SLC25A48: variants seen among roughly 807,000 people sequenced by gnomAD.
SLC25A48 encodes CTC-321K16.1.
Under a neutral mutation model 32.2 loss-of-function variants are expected in SLC25A48, and 29 were observed. The observed-to-expected ratio is 0.90, with a 90% CI of 0.67 to 1.23. The LOEUF is 1.23. Ranked by LOEUF, SLC25A48 falls within the 50% of genes most tolerant of loss-of-function variation. The pLI is 0.00. For synonymous variants in SLC25A48, 164 were observed against 172.3 expected (o/e 0.95, Z 0.38); for missense variants, 399 against 422.7 (o/e 0.94, Z 0.49).
chr5:135,623,882 C>G (rs988161605), intron 1 of SLC25A48, among the ~76,000 whole-genome samples: 1 of 152,184 alleles, frequency 6.6e-6, no homozygotes, highest in Admixed American at 6.5e-5. Flanking sequence ...ATTACTGCTG[C>G]TGCTGTTGCT....
At chr5:135,667,395 A>G (rs1235133353) in intron 3 of SLC25A48, among the ~76,000 whole-genome samples, 1 of 152,206 alleles carries the variant, frequency 6.6e-6, no homozygotes, top group African/African-American at 2.4e-5. Flanking sequence ...TACAATGACC[A>G]CAACATCCTG....
intron 1 of SLC25A48, among the ~76,000 whole-genome samples, chr5:135,606,288 C>T (rs1224558292): frequency 1.3e-5 from 2 of 152,188 alleles, no homozygotes; most frequent in Non-Finnish European, 2.9e-5. Context: ...TAACTTGAGT[C>T]AAACCTGAAG....
At chr5:135,846,693 C>A (rs1759450908) in intron 2 of SLC25A48, among the ~76,000 whole-genome samples, 1 of 152,112 alleles carries the variant, frequency 6.6e-6, no homozygotes, top group South Asian at 2.1e-4. Context: ...CTAAATATTG[C>A]ATGAAGGGCC....
intron 3 of SLC25A48, among the ~76,000 whole-genome samples, chr5:135,748,862 G>A (rs1755703927): frequency 6.6e-6 from 1 of 151,936 alleles, no homozygotes; most frequent in Non-Finnish European, 1.5e-5. Flanking sequence ...GGGATTATAG[G>A]CACACATCAC....
intron 7 of SLC25A48, among the ~76,000 whole-genome samples, chr5:135,884,178 C>A (rs1185747634): frequency 6.6e-6 from 1 of 152,226 alleles, no homozygotes; most frequent in African/African-American, 2.4e-5. Context: ...CTCCACTACG[C>A]TGTTCCCCAA....
intron 3 of SLC25A48, among the ~76,000 whole-genome samples, chr5:135,743,622 T>C (rs1451726906): frequency 6.6e-6 from 1 of 152,180 alleles, no homozygotes; most frequent in African/African-American, 2.4e-5. Flanking sequence ...AAATGTCTCA[T>C]TACTGCTCAA....
chr5:135,662,271 G>C lies in SLC25A48; in HGVS notation c.-521+27315G>C, dbSNP rs148736476. ...CCTAGTAACCCCCTGGCCAGGATAC[G>C]CTGCCTGCCTGGCTCAGCTCACCAC... On this transcript the variant is annotated intron_variant, in intron 3 of 10. Transcript: ENST00000646290. 2.9e-3 allele frequency among the ~76,000 whole-genome samples: 449 copies of C among 152,248 alleles called. 4 individuals carry two copies. The highest frequency in any genetic ancestry group is 0.01 in the African/African-American group (431 of 41,542).
intron 4 of SLC25A48, among the ~76,000 whole-genome samples, chr5:135,818,052 T>C (rs1254368824): frequency 2.3e-5 from 2 of 85,964 alleles, no homozygotes; most frequent in African/African-American, 8.8e-5. Flanking sequence ...GTTCTCTCTG[T>C]TCCTCTCTCT....
At chr5:135,744,426 C>T (rs183383226) in intron 3 of SLC25A48, among the ~76,000 whole-genome samples, 9 of 138,028 alleles carry the variant, frequency 6.5e-5, no homozygotes, top group Non-Finnish European at 4.9e-5. Flanking sequence ...TCTCAGCTCA[C>T]TGCAACCTCC....
chr5:135,840,206 A>C (rs1758878087), intron 1 of SLC25A48, among the ~76,000 whole-genome samples: 4 of 152,182 alleles, frequency 2.6e-5, no homozygotes, highest in African/African-American at 7.2e-5. Context: ...GACATCACTC[A>C]CATTTGAGCA....
At chr5:135,680,187 G>T (rs1365255828) in intron 3 of SLC25A48, among the ~76,000 whole-genome samples, 1 of 152,108 alleles carries the variant, frequency 6.6e-6, no homozygotes, top group Admixed American at 6.5e-5. Context: ...TAACTATCTT[G>T]GTTCTTTATG....
intron 4 of SLC25A48, chr5:135,825,840 C>G (rs1376397647): frequency 6.6e-6 from 1 of 152,242 alleles, no homozygotes; most frequent in East Asian, 1.9e-4. Context: ...GGGTTACACA[C>G]TAGCCCTGGG....
At chr5:135,611,366 T>A (rs1752058520) in intron 1 of SLC25A48, among the ~76,000 whole-genome samples, 2 of 150,884 alleles carry the variant, frequency 1.3e-5, no homozygotes, top group South Asian at 4.2e-4. Context: ...AAAAACAAAA[T>A]TAGCTGGTCT....
intron 3 of SLC25A48, among the ~76,000 whole-genome samples, chr5:135,709,454 G>A (rs931775095): frequency 2.6e-5 from 4 of 152,250 alleles, no homozygotes; most frequent in African/African-American, 7.2e-5. Context: ...ATCAGCCAGA[G>A]AGCCTGATAC....
At chr5:135,683,430 A>G (rs191605602) in intron 3 of SLC25A48, among the ~76,000 whole-genome samples, 2 of 152,356 alleles carry the variant, frequency 1.3e-5, no homozygotes, top group Non-Finnish European at 2.9e-5. Flanking sequence ...TGACTTAGCA[A>G]TTCTTGAGAA....
At chr5:135,596,138 C>G (rs1004574467) in intron 1 of SLC25A48, among the ~76,000 whole-genome samples, 1 of 152,192 alleles carries the variant, frequency 6.6e-6, no homozygotes, top group African/African-American at 2.4e-5. Flanking sequence ...CCAACTTTAT[C>G]TATTTTTGTG....
intron 3 of SLC25A48, among the ~76,000 whole-genome samples, chr5:135,797,414 G>T (rs1315996878): frequency 6.6e-6 from 1 of 151,790 alleles, no homozygotes; most frequent in East Asian, 1.9e-4. Flanking sequence ...TATTTCAGGG[G>T]GTGTACACCC....
At chr5:135,637,796 A>G (rs1220853142) in intron 3 of SLC25A48, among the ~76,000 whole-genome samples, 1 of 152,162 alleles carries the variant, frequency 6.6e-6, no homozygotes, top group Admixed American at 6.5e-5. Flanking sequence ...TGGAGACTCT[A>G]CTGACTAGGC....
At chr5:135,620,542 T>C (rs1347007226) in intron 1 of SLC25A48, among the ~76,000 whole-genome samples, 1 of 152,126 alleles carries the variant, frequency 6.6e-6, no homozygotes, top group East Asian at 1.9e-4. Flanking sequence ...CAATCTTTAC[T>C]CATACTTCAG....
Sources: allele counts gnomAD v4.1 joint callset (sites outside exome capture counted in the v4.1 genomes callset), GRCh38; gene constraint gnomAD v4.1.1; transcripts MANE v1.5; gene names NCBI Gene and HGNC (gene_info 2026-07-23, HGNC 2026-07-21).